ITSN1: variants seen among roughly 807,000 people sequenced by gnomAD.
The protein encoded by ITSN1 is intersectin 1.
Under a neutral mutation model 239.8 loss-of-function variants are expected in ITSN1, and 58 were observed. The ratio of observed to expected loss-of-function variants is 0.24; its 90% CI spans 0.20 to 0.30. The LOEUF is 0.30. ITSN1 is among the 10% of genes least tolerant of loss of function. The pLI is 1.00. For synonymous variants in ITSN1, 780 were observed against 770.8 expected (o/e 1.01, Z -0.20); for missense variants, 1,558 against 2,103.3 (o/e 0.74, Z 5.07).
intron 26 of ITSN1, 87 bp downstream of exon 26, chr21:33,826,950 C>G: frequency 3.7e-6 from 4 of 1,073,928 alleles, no homozygotes; most frequent in Non-Finnish European, 5.7e-6. Flanking sequence ...GGGCCAGAAG[C>G]CTAAAATAAA....
intron 14 of ITSN1, among the ~76,000 whole-genome samples, chr21:33,780,383 C>A (rs2070062010): frequency 6.6e-6 from 1 of 152,146 alleles, no homozygotes; most frequent in Non-Finnish European, 1.5e-5. Context: ...GATATTGGTT[C>A]CCTTTCTGTA....
intron 28 of ITSN1, among the ~76,000 whole-genome samples, chr21:33,835,526 C>A (rs1401699622): frequency 6.6e-6 from 1 of 152,158 alleles, no homozygotes; most frequent in Non-Finnish European, 1.5e-5. Flanking sequence ...AATTTTACCT[C>A]CTGTAAGCTT....
chr21:33,881,406 CAA>C lies in ITSN1; in HGVS notation c.4342-816_4342-815del, dbSNP rs1207634551. Among the ~76,000 whole-genome samples the C allele has an allele frequency of 1.8e-3, 136 of 75,016 alleles. 1 individual carries two copies. The highest frequency in any genetic ancestry group is 2.6e-3 in the African/African-American group (58 of 21,986). The allele number at this position is 75,016 out of a possible 152,430, so 49.2% of individuals were successfully genotyped here. On this transcript the variant is annotated intron_variant, in intron 34 of 39. Transcript: ENST00000381318. ...TGGGCGACAGAGTGAGACTCTGTCT[CAA>C]AAAAAAAAAAAAAAAAAAAATTAAC...
rs1435233345 is a variant in ITSN1, at chr21:33,843,140, AAC to A, written c.3661+6512_3661+6513del. Reference sequence around the variant, plus strand: ...GCTGAGGGCACTGAGGGTCTCGGGAAACACAGTGATGTTCTCAAGTCAGCTTT... The same window carrying A: ...GCTGAGGGCACTGAGGGTCTCGGGAAACAGTGATGTTCTCAAGTCAGCTTT... On this transcript the variant is annotated intron_variant, in intron 29 of 39. Coordinates refer to ENST00000381318, the MANE Select transcript of ITSN1 (RefSeq NM_003024.3). Among the ~76,000 whole-genome samples, 5 of 152,350 alleles carry A rather than the reference AAC, an allele frequency of 3.3e-5. No individual in the cohort carries two copies. The East Asian group carries it at 9.6e-4, about 29-fold the overall frequency.
intron 1 of ITSN1, among the ~76,000 whole-genome samples, chr21:33,687,414 A>G (rs1231886302): frequency 6.6e-6 from 1 of 151,044 alleles, no homozygotes; most frequent in African/African-American, 2.4e-5. Context: ...AAAAAAAAAA[A>G]AAAAAAAAAA....
intron 20 of ITSN1, among the ~76,000 whole-genome samples, chr21:33,808,772 A>G (rs1387520467): frequency 6.6e-6 from 1 of 152,180 alleles, no homozygotes; most frequent in African/African-American, 2.4e-5. Flanking sequence ...ACTAGCTCCT[A>G]AATTGAGACG....
At chr21:33,770,114 A>G (rs2147765367) in intron 11 of ITSN1, among the ~76,000 whole-genome samples, 1 of 151,658 alleles carries the variant, frequency 6.6e-6, no homozygotes, top group African/African-American at 2.4e-5. Context: ...CCCAGGCTGG[A>G]GTGCAGTGGC....
chr21:33,867,785 T>A (rs1463352029), intron 33 of ITSN1, among the ~76,000 whole-genome samples: 5 of 151,820 alleles, frequency 3.3e-5, no homozygotes, highest in Admixed American at 6.6e-5. Context: ...CCTTCTGATG[T>A]TCAGATGTGT....
intron 1 of ITSN1, among the ~76,000 whole-genome samples, chr21:33,665,094 G>A (rs143429345): frequency 7.1e-6 from 1 of 139,948 alleles, no homozygotes; most frequent in Non-Finnish European, 1.6e-5. Flanking sequence ...GAAACCCCGT[G>A]TCTACTAAAA....
intron 1 of ITSN1, among the ~76,000 whole-genome samples, chr21:33,671,736 G>T (rs2090297403): frequency 1.3e-5 from 2 of 151,426 alleles, no homozygotes; most frequent in South Asian, 2.1e-4. Flanking sequence ...AGGTTGCAGT[G>T]AGCTGAGATT....
chr21:33,712,133 T>G (rs576872883), intron 1 of ITSN1, among the ~76,000 whole-genome samples: 1 of 152,354 alleles, frequency 6.6e-6, no homozygotes, highest in South Asian at 2.1e-4. Flanking sequence ...TCTACAGTCT[T>G]TGTGTGATAA....
chr21:33,716,617 C>T (rs775319881), intron 1 of ITSN1: 8 of 152,170 alleles, frequency 5.3e-5, no homozygotes, highest in Non-Finnish European at 1.2e-4. Flanking sequence ...TTGCCACCCA[C>T]GCTGAGCTTG....
intron 14 of ITSN1, among the ~76,000 whole-genome samples, chr21:33,777,384 G>C (rs546591353): frequency 6.6e-6 from 1 of 152,100 alleles, no homozygotes; most frequent in African/African-American, 2.4e-5. Context: ...CAAGTGATAC[G>C]AATTCTCTGT....
rs988998433 is a variant in ITSN1 at position 33,880,386 on chromosome 21, G to A, written c.4342-1857G>A. The stretch of plus-strand genomic sequence containing the variant: ...TGGATTATTTGCGCCCACGTGGCTT[G>A]AACCCTGTCTTGGCAAGCAGGAAGG... On this transcript the variant is annotated intron_variant, in intron 34 of 39. Transcript: ENST00000381318. Among the ~76,000 whole-genome samples, 3 of 152,242 alleles carry A rather than the reference G, an allele frequency of 2.0e-5. No homozygotes were observed. The East Asian group carries it at 5.8e-4, about 30-fold the overall frequency.
chr21:33,658,847 G>A (rs1314430291), intron 1 of ITSN1, among the ~76,000 whole-genome samples: 1 of 152,166 alleles, frequency 6.6e-6, no homozygotes, highest in African/African-American at 2.4e-5. Context: ...TTTTGTTCCT[G>A]ATTCCTAGCA....
intron 28 of ITSN1, among the ~76,000 whole-genome samples, chr21:33,834,783 G>T (rs1051553241): frequency 6.6e-6 from 1 of 151,998 alleles, no homozygotes; most frequent in East Asian, 1.9e-4. Flanking sequence ...AAAATAAACG[G>T]CTGGGGTCTC....
At chr21:33,686,829 G>A (rs1167981210) in intron 1 of ITSN1, among the ~76,000 whole-genome samples, 1 of 152,188 alleles carries the variant, frequency 6.6e-6, no homozygotes, top group African/African-American at 2.4e-5. Context: ...ACAGATCTGA[G>A]ACTAGAGCTA....
chr21:33,684,114 C>T (rs531755596), intron 1 of ITSN1, among the ~76,000 whole-genome samples: 3 of 152,264 alleles, frequency 2.0e-5, no homozygotes, highest in East Asian at 1.9e-4. Flanking sequence ...TAAAGCATTT[C>T]GGTTAATTCT....
chr21:33,846,607 A>G (rs2074998001), intron 29 of ITSN1, among the ~76,000 whole-genome samples: 2 of 152,230 alleles, frequency 1.3e-5, no homozygotes, highest in South Asian at 4.1e-4. Flanking sequence ...GCATATCCCC[A>G]TGGCGCCTCA....
Sources: allele counts gnomAD v4.1 joint callset (sites outside exome capture counted in the v4.1 genomes callset), GRCh38; gene constraint gnomAD v4.1.1; transcripts MANE v1.5; gene names NCBI Gene and HGNC (gene_info 2026-07-23, HGNC 2026-07-21).